The following MYCBP2 variants were observed in gnomAD, a reference collection of about 807,000 sequenced individuals.
The protein encoded by MYCBP2 is MYC binding protein 2, also known as E3 ubiquitin-protein ligase MYCBP2.
Under a neutral mutation model 525.3 loss-of-function variants are expected in MYCBP2, and 120 were observed. The observed-to-expected ratio is 0.23, with a 90% CI of 0.20 to 0.27. MYCBP2 has a LOEUF of 0.27. MYCBP2 is among the 10% of genes least tolerant of loss of function. The pLI is 1.00. For missense variants in MYCBP2, 4,149 were observed against 5,657.1 expected (o/e 0.73, Z 8.55); for synonymous variants, 1,894 against 1,955.8 (o/e 0.97, Z 0.83).
At chr13:77,104,876 G>GT (rs2047618944) in intron 55 of MYCBP2, among the ~76,000 whole-genome samples, 1 of 152,068 alleles carries the variant, frequency 6.6e-6, no homozygotes, top group Admixed American at 6.6e-5. Context: ...CTTAATCTAA[G>GT]TTTTAAAAAG....
At chr13:77,199,444 A>T (rs1226706148) in intron 26 of MYCBP2, among the ~76,000 whole-genome samples, 1 of 152,186 alleles carries the variant, frequency 6.6e-6, no homozygotes, top group Non-Finnish European at 1.5e-5. Flanking sequence ...TCAAACTGCA[A>T]GGCGGCAGCG....
At position 77,177,134 on chromosome 13, in the gene MYCBP2, G is replaced by GA. The variant is rs1261447953; in HGVS notation, c.5341-507dup. On this transcript the variant is annotated intron_variant, in intron 35 of 82. Coordinates refer to ENST00000544440, the MANE Select transcript of MYCBP2 (RefSeq NM_015057.5). ...AGTCCATCTCAACATTGTGTTTCTT[G>GA]AAAAATGACAATATAAAAAAAAAAA... is the stretch of plus-strand genomic sequence containing the variant. 2.8e-5 allele frequency among the ~76,000 whole-genome samples: 4 copies of GA among 142,758 alleles called. No individual in the cohort carries two copies. The East Asian group carries it at 8.7e-4, about 31-fold the overall frequency. 93.7% of individuals were successfully genotyped at this position (142,758 alleles called of 152,430 possible). A position where few individuals can be genotyped will look rare whatever the true frequency, so the allele number is the denominator to read the frequency against.
chr13:77,183,736 G>A (rs2060470791), intron 32 of MYCBP2, among the ~76,000 whole-genome samples: 1 of 151,458 alleles, frequency 6.6e-6, no homozygotes, highest in Non-Finnish European at 1.5e-5. Context: ...ATTTTTGGTA[G>A]AGACTGAGTT....
intron 28 of MYCBP2, among the ~76,000 whole-genome samples, chr13:77,191,383 T>C: frequency 6.6e-6 from 1 of 152,204 alleles, no homozygotes; most frequent in East Asian, 1.9e-4. Context: ...CTCATTTTCC[T>C]TGTCACCTTC....
intron 52 of MYCBP2, among the ~76,000 whole-genome samples, chr13:77,131,078 T>C (rs1204096053): frequency 6.6e-6 from 1 of 152,212 alleles, no homozygotes; most frequent in Admixed American, 6.5e-5. Context: ...ACTTTATACT[T>C]TTTTGCTTTT....
chr13:77,293,741 G>T (rs185446413), intron 2 of MYCBP2, among the ~76,000 whole-genome samples: 44 of 151,978 alleles, frequency 2.9e-4, no homozygotes, highest in African/African-American at 4.8e-5. Context: ...TCAACCAACC[G>T]CCACTGGCTT....
chr13:77,144,599 T>A (rs766710432), intron 48 of MYCBP2, 39 bp from the exon 49 acceptor site: 1 of 1,369,858 alleles, frequency 7.3e-7, no homozygotes, highest in Non-Finnish European at 1.0e-6. Flanking sequence ...ATTTTACTTT[T>A]GGTTAAGCAG....
chr13:77,238,414 GA>G (rs1328537012), intron 17 of MYCBP2, among the ~76,000 whole-genome samples: 1 of 152,036 alleles, frequency 6.6e-6, no homozygotes, highest in Non-Finnish European at 1.5e-5. Flanking sequence ...TTTTCCTTAC[GA>G]AACAGAGTGC....
chr13:77,096,683 T>C (rs2046304907), intron 56 of MYCBP2, among the ~76,000 whole-genome samples: 2 of 152,044 alleles, frequency 1.3e-5, no homozygotes. Flanking sequence ...ATGCCCCAAA[T>C]ATGAGAGATA....
chr13:77,183,659 C>G (rs894901114), intron 32 of MYCBP2, among the ~76,000 whole-genome samples: 1 of 134,364 alleles, frequency 7.4e-6, no homozygotes, highest in Non-Finnish European at 1.5e-5. Flanking sequence ...TCAAGCAATT[C>G]TCGTGCCTCA....
intron 17 of MYCBP2, among the ~76,000 whole-genome samples, chr13:77,238,608 T>G (rs954009020): frequency 3.9e-5 from 6 of 152,128 alleles, no homozygotes; most frequent in Non-Finnish European, 8.8e-5. Flanking sequence ...AACTAAAATC[T>G]ATAAATGAAT....
At chr13:77,078,994 C>T in intron 65 of MYCBP2, 105 bp from the exon 66 acceptor site, 1 of 911,476 alleles carries the variant, frequency 1.1e-6, no homozygotes, top group East Asian at 2.5e-5. Flanking sequence ...CTGCCTGTCT[C>T]TTATGGTCCT....
Position 77,257,832 on chromosome 13 carries a change from A to G in MYCBP2, c.2018-3T>C, listed in dbSNP as rs1046355247. ...GCCCTTCAAATCAGTTACCAAACCT[A>G]TAGGAAAGAAACAAATTTAGTAAAA... On this transcript the variant is annotated splice_region_variant and splice_polypyrimidine_tract_variant and intron_variant, in intron 13 of 82. Coordinates refer to ENST00000544440, the MANE Select transcript of MYCBP2 (RefSeq NM_015057.5). 3.8e-6 allele frequency: 6 copies of G among 1,596,396 alleles called. No homozygotes were observed. The highest frequency in any genetic ancestry group is 1.1e-5 in the South Asian group (1 of 87,610).
At position 77,181,848 on chromosome 13, in the gene MYCBP2, C is replaced by T. The variant is rs762848869; in HGVS notation, c.4794G>A (p.Thr1598=). Residue 1598 remains threonine, a synonymous_variant, in exon 33 of 83, where the codon ACG becomes ACA. Coordinates refer to ENST00000544440, the MANE Select transcript of MYCBP2 (RefSeq NM_015057.5). The stretch of plus-strand genomic sequence containing the variant: ...GGAAGATGGAAGTCAGCTTAACAGA[C>T]GTGTGACACAGAGCTGACATAACAG... The part of the protein sequence containing the change: ...LAAVMSALCH[T]SVKLTSIFPI... 46 of 1,613,884 alleles carry T rather than the reference C, an allele frequency of 2.9e-5. No individual in the cohort carries two copies. Among genetic ancestry groups the T allele is most frequent in the East Asian group, 4.5e-5 (2 of 44,884 alleles).
chr13:77,141,552 C>T (rs2054623304), intron 49 of MYCBP2, among the ~76,000 whole-genome samples: 1 of 152,158 alleles, frequency 6.6e-6, no homozygotes, highest in Non-Finnish European at 1.5e-5. Flanking sequence ...AGGCGGATCA[C>T]CTGAGGTCGG....
chr13:77,186,021 T>C lies in MYCBP2; in HGVS notation c.4294A>G (p.Thr1432Ala). 1.2e-6 allele frequency: 2 copies of C among 1,609,800 alleles called. No individual in the cohort carries two copies. Among genetic ancestry groups the C allele is most frequent in the Non-Finnish European group, 8.5e-7 (1 of 1,178,766 alleles). ...SLLSILHWSW[T>A]TLVLGVEELR... ...TCTTCAACTCCTAAGACTAAGGTGG[T>C]CCAGCTCCAGTGAAGAATACTCAAC... Residue 1432 changes from threonine to alanine, a missense_variant, in exon 31 of 83, where the codon ACC (threonine) becomes GCC (alanine). By Grantham distance (58) the Thr-to-Ala change is moderately conservative. Transcript: ENST00000544440.
chr13:77,235,918 G>A (rs1009453131), intron 17 of MYCBP2, among the ~76,000 whole-genome samples: 9 of 151,962 alleles, frequency 5.9e-5, no homozygotes, highest in African/African-American at 2.2e-4. Context: ...AAAAAGGAAG[G>A]GCAAGGGAAA....
chr13:77,198,117 C>T (rs1208477276), intron 26 of MYCBP2, among the ~76,000 whole-genome samples: 3 of 152,302 alleles, frequency 2.0e-5, no homozygotes, highest in East Asian at 1.9e-4. Flanking sequence ...GCTTCTCTAA[C>T]GTGAGGATGA....
intron 55 of MYCBP2, among the ~76,000 whole-genome samples, chr13:77,107,266 T>C (rs530090093): frequency 2.6e-5 from 4 of 152,292 alleles, no homozygotes; most frequent in African/African-American, 9.6e-5. Flanking sequence ...GAGAAATTAA[T>C]TTTTAAATTA....
Sources: allele counts gnomAD v4.1 joint callset (sites outside exome capture counted in the v4.1 genomes callset), GRCh38; gene constraint gnomAD v4.1.1; transcripts MANE v1.5; gene names NCBI Gene and HGNC (gene_info 2026-07-23, HGNC 2026-07-21).